Variants in ERBB4 observed in about 807,000 individuals in gnomAD.
ERBB4 encodes the protein erb-b2 receptor tyrosine kinase 4.
ERBB4 carries 42 observed loss-of-function variants against 158.0 expected under a neutral mutation model. The ratio of observed to expected loss-of-function variants is 0.27; its 90% CI spans 0.21 to 0.34. The LOEUF is 0.34. Ranked by LOEUF, ERBB4 falls within the 10% of genes least tolerant of loss-of-function variation. The pLI is 1.00. For synonymous variants in ERBB4, 583 were observed against 558.7 expected, an observed-to-expected ratio of 1.04 and a Z score of -0.61; for missense variants, 1,333 against 1,624.1, an observed-to-expected ratio of 0.82 and a Z score of 3.08.
intron 1 of ERBB4, among the ~76,000 whole-genome samples, chr2:212,303,915 A>C (rs1025722378): frequency 2.6e-5 from 4 of 151,610 alleles, no homozygotes; most frequent in Admixed American, 2.0e-4. Flanking sequence ...GGAACAATGG[A>C]AACAGGGGAA....
intron 2 of ERBB4, among the ~76,000 whole-genome samples, chr2:211,996,037 C>A (rs1423516091): frequency 6.6e-6 from 1 of 152,166 alleles, no homozygotes; most frequent in African/African-American, 2.4e-5. Flanking sequence ...CCAGGTATAA[C>A]ATGATCTTTG....
chr2:212,197,033 T>C (rs2082447791), intron 1 of ERBB4, among the ~76,000 whole-genome samples: 1 of 152,086 alleles, frequency 6.6e-6, no homozygotes, highest in African/African-American at 2.4e-5. Context: ...TAAATAAACA[T>C]AGAAATTGAC....
chr2:212,247,177 G>A (rs1361457430), intron 1 of ERBB4, among the ~76,000 whole-genome samples: 2 of 152,142 alleles, frequency 1.3e-5, no homozygotes, highest in Admixed American at 6.5e-5. Flanking sequence ...TTTAAATTCT[G>A]AAGAGATATG....
intron 20 of ERBB4, among the ~76,000 whole-genome samples, chr2:211,501,254 A>G (rs761392666): frequency 1.3e-5 from 2 of 151,908 alleles, no homozygotes; most frequent in Non-Finnish European, 2.9e-5. Context: ...AAATATATTT[A>G]GATGGAATAA....
At chr2:211,853,806 A>G (rs1378759823) in intron 3 of ERBB4, among the ~76,000 whole-genome samples, 6 of 152,058 alleles carry the variant, frequency 3.9e-5, no homozygotes, top group Non-Finnish European at 5.9e-5. Context: ...TTTTACCACA[A>G]TTTGTCAACA....
intron 3 of ERBB4, among the ~76,000 whole-genome samples, chr2:211,863,898 C>T (rs2078134984): frequency 6.6e-6 from 1 of 152,148 alleles, no homozygotes. Flanking sequence ...GAGGATTCAT[C>T]ATTCAATTAT....
At chr2:211,976,681 CTT>C (rs1212676989) in intron 2 of ERBB4, among the ~76,000 whole-genome samples, 2 of 151,922 alleles carry the variant, frequency 1.3e-5, no homozygotes, top group African/African-American at 4.8e-5. Context: ...TATTTTTCAT[CTT>C]GTCAATGATA....
At chr2:211,455,388 A>G (rs1228511882) in intron 20 of ERBB4, among the ~76,000 whole-genome samples, 2 of 152,202 alleles carry the variant, frequency 1.3e-5, no homozygotes, top group Non-Finnish European at 2.9e-5. Context: ...TGCCAGGGAC[A>G]ATGGGTTCCC....
intron 20 of ERBB4, among the ~76,000 whole-genome samples, chr2:211,468,924 A>C (rs1431020340): frequency 1.3e-5 from 2 of 151,556 alleles, no homozygotes; most frequent in African/African-American, 2.4e-5. Context: ...CTTCAAAAAA[A>C]AAAAAAAAAC....
In ERBB4 at chr2:211,947,479, T is replaced by C; in HGVS notation, c.372A>G (p.Arg124=). 6.2e-7 allele frequency: 1 copy of C among 1,613,884 alleles called. No individual in the cohort carries two copies. Among genetic ancestry groups the C allele is most frequent in the South Asian group, 1.1e-5 (1 of 91,082 alleles). The change falls in exon 3 of 28, where the codon AGA becomes AGG. Residue 124 remains arginine (R), a synonymous_variant. Transcript: ENST00000342788. ...RYALAIFLNY[R]KDGNFGLQEL... ...CTTGAAGTCCAAAGTTTCCATCTTTTCTGTAGTTTAAAAATATTGCCAAGG... is the reference window on the plus strand; with the variant it reads ...CTTGAAGTCCAAAGTTTCCATCTTTCCTGTAGTTTAAAAATATTGCCAAGG...
intron 3 of ERBB4, among the ~76,000 whole-genome samples, chr2:211,873,431 C>T (rs1409887338): frequency 1.3e-5 from 2 of 152,124 alleles, no homozygotes; most frequent in East Asian, 1.9e-4. Flanking sequence ...CTTCATAATA[C>T]AAAAATGTAC....
At chr2:211,489,587 T>G (rs939941261) in intron 20 of ERBB4, among the ~76,000 whole-genome samples, 1 of 152,018 alleles carries the variant, frequency 6.6e-6, no homozygotes. Flanking sequence ...AATTTATCAT[T>G]ATATAATGTC....
intron 3 of ERBB4, among the ~76,000 whole-genome samples, chr2:211,946,265 T>C (rs839537): frequency 1 from 152,031 of 152,132 alleles, 75,965 homozygotes; most frequent in Non-Finnish European, 1. Flanking sequence ...TTTTATTTCA[T>C]ATGTCTGGTT....
intron 3 of ERBB4, among the ~76,000 whole-genome samples, chr2:211,811,020 G>T (rs1040767944): frequency 7.9e-5 from 12 of 152,106 alleles, no homozygotes; most frequent in Non-Finnish European, 1.3e-4. Context: ...TACATTTAAG[G>T]TTAATATTGT....
chr2:211,699,870 T>G (rs77318172), intron 12 of ERBB4, among the ~76,000 whole-genome samples: 2,828 of 152,248 alleles, frequency 0.019, 98 homozygotes, highest in African/African-American at 0.065. Context: ...TAACATTATA[T>G]AATTTATTGA....
intron 1 of ERBB4, among the ~76,000 whole-genome samples, chr2:212,137,997 T>C (rs1370245019): frequency 6.6e-6 from 1 of 152,226 alleles, no homozygotes; most frequent in South Asian, 2.1e-4. Context: ...GGGTTATCTG[T>C]AAAAGGAATA....
chr2:211,614,196 T>C (rs921288544), intron 19 of ERBB4, among the ~76,000 whole-genome samples: 1 of 152,062 alleles, frequency 6.6e-6, no homozygotes, highest in Non-Finnish European at 1.5e-5. Context: ...TCTGTTCTCA[T>C]TTATTTGTGA....
chr2:212,241,773 A>C (rs779602390), intron 1 of ERBB4, among the ~76,000 whole-genome samples: 3 of 152,150 alleles, frequency 2.0e-5, no homozygotes, highest in African/African-American at 2.4e-5. Context: ...AACCTCAACA[A>C]AGTAAGTGTT....
At chr2:212,150,208 T>C (rs924970203) in intron 1 of ERBB4, among the ~76,000 whole-genome samples, 4 of 152,126 alleles carry the variant, frequency 2.6e-5, no homozygotes, top group Non-Finnish European at 5.9e-5. Flanking sequence ...CTCTGAAGCC[T>C]CTAAGGGAGG....
Sources: allele counts gnomAD v4.1 joint callset (sites outside exome capture counted in the v4.1 genomes callset), GRCh38; gene constraint gnomAD v4.1.1; transcripts MANE v1.5; gene names NCBI Gene and HGNC (gene_info 2026-07-23, HGNC 2026-07-21).